The following EFHD1 variants were observed in gnomAD, a reference collection of about 807,000 sequenced individuals.
EFHD1 encodes EF-hand domain family member D1, also known as EF-hand domain-containing protein D1.
A neutral mutation model predicts 17.2 loss-of-function variants in EFHD1; 10 were observed. That is an observed-to-expected ratio of 0.58 (90% CI 0.36 to 0.99). The LOEUF (loss-of-function observed/expected upper bound fraction) is 0.99, where lower values mean the gene tolerates loss of function less well. Among genes scored for constraint, EFHD1 ranks in the 50% least tolerant of loss-of-function variants. The pLI is 0.01. For synonymous variants in EFHD1, 153 were observed against 142.0 expected, an observed-to-expected ratio of 1.08 and a Z score of -0.55; for missense variants, 310 against 327.5, an observed-to-expected ratio of 0.95 and a Z score of 0.41.
intron 1 of EFHD1, among the ~76,000 whole-genome samples, chr2:232,660,530 T>C (rs752173872): frequency 6.6e-6 from 1 of 151,916 alleles, no homozygotes; most frequent in Non-Finnish European, 1.5e-5. Context: ...GGGGTCTCAC[T>C]ACATTGCCCA....
intron 2 of EFHD1, among the ~76,000 whole-genome samples, chr2:232,671,797 C>T (rs770738904): frequency 1.3e-5 from 2 of 151,922 alleles, no homozygotes; most frequent in Non-Finnish European, 2.9e-5. Context: ...TGGCTCACGC[C>T]TGTAATCCCA....
chr2:232,613,130 A>C (rs1693839387), intron 1 of EFHD1, among the ~76,000 whole-genome samples: 1 of 151,330 alleles, frequency 6.6e-6, no homozygotes, highest in Admixed American at 6.6e-5. Context: ...AATATATGAA[A>C]GCATATGTCC....
intron 1 of EFHD1, among the ~76,000 whole-genome samples, chr2:232,619,759 A>G (rs1048907808): frequency 6.6e-6 from 1 of 152,154 alleles, no homozygotes; most frequent in Non-Finnish European, 1.5e-5. Context: ...AGCCTGGTGC[A>G]GTGGCCTGGA....
chr2:232,648,921 C>T (rs1251923581), intron 1 of EFHD1, among the ~76,000 whole-genome samples: 2 of 152,022 alleles, frequency 1.3e-5, no homozygotes, highest in Admixed American at 6.5e-5. Context: ...GCAGGCAACC[C>T]CCTCCCATCA....
chr2:232,661,969 T>A (rs1055722068), intron 1 of EFHD1: 2 of 152,278 alleles, frequency 1.3e-5, no homozygotes, highest in African/African-American at 4.8e-5. Flanking sequence ...TATTCATACC[T>A]GAGCAACAAG....
chr2:232,631,503 GTT>G (rs546460936), upstream of EFHD1, among the ~76,000 whole-genome samples: 124 of 150,948 alleles, frequency 8.2e-4, 3 homozygotes, highest in South Asian at 0.021. Flanking sequence ...TGTACACAAG[GTT>G]TTGCCATGTT....
chr2:232,607,022 G>A (rs567574267), intron 1 of EFHD1, among the ~76,000 whole-genome samples: 1 of 151,080 alleles, frequency 6.6e-6, no homozygotes, highest in Non-Finnish European at 1.5e-5. Context: ...CTTTTGAGAC[G>A]GTCTGGCTCT....
At chr2:232,635,413 G>A (rs761856467) in intron 1 of EFHD1, among the ~76,000 whole-genome samples, 3 of 152,202 alleles carry the variant, frequency 2.0e-5, no homozygotes, top group Admixed American at 2.0e-4. Flanking sequence ...TCTTTGGAAA[G>A]ATCAACTTGT....
At chr2:232,644,296 C>A (rs369485866) in intron 1 of EFHD1, among the ~76,000 whole-genome samples, 3 of 152,070 alleles carry the variant, frequency 2.0e-5, no homozygotes, top group Non-Finnish European at 4.4e-5. Flanking sequence ...TTTTTCTCAT[C>A]GGGGGTGCCA....
At chr2:232,625,368 A>G (rs1277888237) in intron 1 of EFHD1, among the ~76,000 whole-genome samples, 1 of 150,734 alleles carries the variant, frequency 6.6e-6, no homozygotes, top group Non-Finnish European at 1.5e-5. Flanking sequence ...TTGAACTCCT[A>G]GGCTCAAACA....
chr2:232,672,281 C>G (rs1695085614), intron 2 of EFHD1, 28 bp from the exon 3 acceptor site: 1 of 1,614,106 alleles, frequency 6.2e-7, no homozygotes, highest in Non-Finnish European at 8.5e-7. Context: ...GAGACTGACT[C>G]TGGTTCCCTA....
intron 2 of EFHD1, among the ~76,000 whole-genome samples, chr2:232,663,292 T>C (rs948898776): frequency 1.7e-4 from 26 of 152,314 alleles, no homozygotes; most frequent in African/African-American, 5.3e-4. Context: ...TTTAACGTAT[T>C]TTTAAAATTT....
At chr2:232,660,673 T>C (rs1301179473) in intron 1 of EFHD1, among the ~76,000 whole-genome samples, 1 of 151,972 alleles carries the variant, frequency 6.6e-6, no homozygotes, top group Non-Finnish European at 1.5e-5. Flanking sequence ...TGTGGTAAAA[T>C]GCACTTAACA....
At chr2:232,670,577 C>T (rs1695047243) in intron 2 of EFHD1, among the ~76,000 whole-genome samples, 1 of 151,392 alleles carries the variant, frequency 6.6e-6, no homozygotes, top group African/African-American at 2.4e-5. Context: ...GATTACTAAC[C>T]AACCATTTGG....
intron 3 of EFHD1, among the ~76,000 whole-genome samples, chr2:232,677,779 A>C (rs1429974236): frequency 6.6e-6 from 1 of 152,140 alleles, no homozygotes; most frequent in Non-Finnish European, 1.5e-5. Flanking sequence ...AACACAGTTA[A>C]ATGTTGGGAA....
At chr2:232,661,147 CA>C (rs747919733) in intron 1 of EFHD1, among the ~76,000 whole-genome samples, 26 of 119,772 alleles carry the variant, frequency 2.2e-4, no homozygotes, top group African/African-American at 5.4e-5. Context: ...GACTCTGTCT[CA>C]AAAAAAAAAC....
In EFHD1 at chr2:232,682,411, T is replaced by C. The variant is rs1695305504; in HGVS notation, c.*692T>C. 1 of 152,448 alleles carries C rather than the reference T, an allele frequency of 6.6e-6. No individual in the cohort carries two copies. Among genetic ancestry groups the C allele is most frequent in the Admixed American group, 6.5e-5 (1 of 15,286 alleles). The allele number at this position is 152,448 out of a possible 1,614,324, so 9.4% of individuals were successfully genotyped here. ...TCCCAGCTCAGCCTTTTCCCCACTC[T>C]TAAATACTGTACTACTTCACTGTAA... On this transcript the variant is annotated 3_prime_UTR_variant, in exon 4 of 4. Coordinates refer to ENST00000264059, the MANE Select transcript of EFHD1 (RefSeq NM_025202.4).
intron 1 of EFHD1, among the ~76,000 whole-genome samples, chr2:232,642,317 T>C (rs1694446875): frequency 7.4e-6 from 1 of 135,452 alleles, no homozygotes; most frequent in South Asian, 2.2e-4. Flanking sequence ...TGCAAAGCAG[T>C]GAGCCAAGAT....
chr2:232,633,542 ACCGCCCCGC>A (rs1263095767), upstream of EFHD1: 18 of 1,282,204 alleles, frequency 1.4e-5, no homozygotes, highest in South Asian at 2.5e-5. Context: ...CTCCGCCCCG[ACCGCCCCGC>A]CCGCCAGTCC....
Sources: allele counts gnomAD v4.1 joint callset (sites outside exome capture counted in the v4.1 genomes callset), GRCh38; gene constraint gnomAD v4.1.1; transcripts MANE v1.5; gene names NCBI Gene and HGNC (gene_info 2026-07-23, HGNC 2026-07-21).